Variants in ATP7A observed in about 807,000 individuals in gnomAD.
The protein encoded by ATP7A is copper-transporting ATPase 1.
In ATP7A, 7 loss-of-function variants were observed where a neutral mutation model predicts 83.5. The ratio of observed to expected loss-of-function variants is 0.08; its 90% CI spans 0.05 to 0.16. ATP7A has a LOEUF of 0.16. Ranked by LOEUF, ATP7A falls within the 10% of genes least tolerant of loss-of-function variation. ATP7A has a pLI of 1.00. For missense variants in ATP7A, 940 were observed against 1,120.8 expected, an observed-to-expected ratio of 0.84 and a Z score of 2.30; for synonymous variants, 354 against 395.2, an observed-to-expected ratio of 0.90 and a Z score of 1.24.
intron 4 of ATP7A, among the ~76,000 whole-genome samples, chrX:77,990,643 C>T (rs1206635135): frequency 8.0e-5 from 9 of 111,884 alleles, no homozygotes; most frequent in African/African-American, 1.3e-4. Flanking sequence ...CCAAAGTTTT[C>T]GTATTTCCTG....
At chrX:77,917,762 A>G (rs1557222690) in intron 1 of ATP7A, among the ~76,000 whole-genome samples, 1 of 111,962 alleles carries the variant, frequency 8.9e-6, no homozygotes. Flanking sequence ...AGAGCTACCA[A>G]TGGTTGGCTT....
chrX:78,033,973 A>C (rs1019015159), intron 17 of ATP7A, 152 bp downstream of exon 17: 17 of 547,979 alleles, frequency 3.1e-5, no homozygotes, highest in Non-Finnish European at 4.2e-5. Context: ...CATTTAAATT[A>C]GTCAAGAATA....
chrX:78,028,974 T>A (rs1377821861), intron 14 of ATP7A, among the ~76,000 whole-genome samples: 2 of 112,235 alleles, frequency 1.8e-5, no homozygotes, highest in African/African-American at 6.5e-5. Context: ...TTTGCAGCTA[T>A]TTCTGAAAAT....
intron 4 of ATP7A, among the ~76,000 whole-genome samples, chrX:77,991,170 T>C (rs1444324170): frequency 9.0e-6 from 1 of 111,548 alleles, no homozygotes; most frequent in African/African-American, 3.3e-5. Flanking sequence ...ATTTTAGAAC[T>C]TTTTATCACT....
intron 14 of ATP7A, among the ~76,000 whole-genome samples, chrX:78,028,452 G>C (rs187658170): frequency 1.6e-3 from 181 of 111,899 alleles, no homozygotes; most frequent in African/African-American, 5.7e-3. Context: ...GCCTCCCAAA[G>C]TGCTGGGATT....
intron 1 of ATP7A, among the ~76,000 whole-genome samples, chrX:77,916,684 T>C (rs1282418425): frequency 3.6e-5 from 4 of 111,824 alleles, no homozygotes; most frequent in African/African-American, 1.3e-4. Flanking sequence ...ATGTCTAACC[T>C]ACTCTGCAAA....
chrX:77,998,430 T>G (rs781846719), intron 4 of ATP7A, 48 bp from the exon 5 acceptor site: 2 of 1,146,266 alleles, frequency 1.7e-6, no homozygotes, highest in African/African-American at 1.8e-5. Flanking sequence ...AAGGATGCAA[T>G]TGAATGATCA....
chrX:77,948,117 A>ATTCATTCATTCG (rs2077393397), intron 1 of ATP7A, among the ~76,000 whole-genome samples: 2 of 106,562 alleles, frequency 1.9e-5, no homozygotes, highest in African/African-American at 6.9e-5. Context: ...TCATTCATTC[A>ATTCATTCATTCG]TTCATTCGTT....
intron 1 of ATP7A, among the ~76,000 whole-genome samples, chrX:77,928,876 A>G (rs1233745052): frequency 8.9e-6 from 1 of 111,876 alleles, no homozygotes; most frequent in Non-Finnish European, 1.9e-5. Flanking sequence ...TCTTTTCTTG[A>G]TGATGCAATG....
chrX:78,025,289 A>T (rs1323285136), intron 14 of ATP7A, among the ~76,000 whole-genome samples: 2 of 112,293 alleles, frequency 1.8e-5, no homozygotes, highest in Non-Finnish European at 3.8e-5. Flanking sequence ...AGGAAGCAAA[A>T]GTTCCCTTGG....
At chrX:77,965,537 C>A (rs782401932) in intron 1 of ATP7A, 28 of 235,336 alleles carry the variant, frequency 1.2e-4, no homozygotes, top group Middle Eastern at 5.7e-4. Flanking sequence ...ACAATTGGGG[C>A]CCTTATATAC....
Position 77,952,722 on chromosome X carries a change from T to C in ATP7A, c.-21-18899T>C, listed in dbSNP as rs782473815. Among the ~76,000 whole-genome samples, 3 of 111,707 alleles carry C rather than the reference T, an allele frequency of 2.7e-5. No individual in the cohort carries two copies. The East Asian group carries it at 8.3e-4, about 31-fold the overall frequency. On this transcript the variant is annotated intron_variant, in intron 1 of 22. Coordinates refer to ENST00000341514, the MANE Select transcript of ATP7A (RefSeq NM_000052.7). ...GTCCTTTTCAGCCTCACCAAACTTT[T>C]ATTGTTTTCTTGTAGTTTATTCTTA...
At chrX:78,032,384 C>T (rs1281825253) in intron 16 of ATP7A, among the ~76,000 whole-genome samples, 1 of 111,612 alleles carries the variant, frequency 9.0e-6, no homozygotes, top group Non-Finnish European at 1.9e-5. Flanking sequence ...TTGATGAATG[C>T]TACCAATACC....
intron 1 of ATP7A, among the ~76,000 whole-genome samples, chrX:77,932,869 C>T (rs923469160): frequency 9.0e-6 from 1 of 111,203 alleles, no homozygotes; most frequent in African/African-American, 3.3e-5. Context: ...AGTCCAGCTT[C>T]GGCTCGGCAT....
chrX:77,937,213 G>A (rs1323403566), intron 1 of ATP7A, among the ~76,000 whole-genome samples: 2 of 112,296 alleles, frequency 1.8e-5, no homozygotes, highest in Non-Finnish European at 3.8e-5. Flanking sequence ...TGAAATCTCT[G>A]TACTTTCTGC....
At chrX:77,956,768 T>TTTCC (rs1491584561) in intron 1 of ATP7A, among the ~76,000 whole-genome samples, 51 of 102,614 alleles carry the variant, frequency 5.0e-4, no homozygotes, top group Non-Finnish European at 8.7e-4. Flanking sequence ...TCTTTCTTTC[T>TTTCC]TTCTTTCTTT....
intron 14 of ATP7A, among the ~76,000 whole-genome samples, chrX:78,024,730 C>T (rs1557236152): frequency 9.0e-6 from 1 of 111,451 alleles, no homozygotes; most frequent in East Asian, 2.8e-4. Flanking sequence ...GGGGCATACT[C>T]ATGGGAACCA....
intron 4 of ATP7A, among the ~76,000 whole-genome samples, chrX:77,996,686 G>GT (rs782348985): frequency 6.3e-5 from 7 of 111,232 alleles, no homozygotes; most frequent in African/African-American, 2.3e-4. Flanking sequence ...TATTTCCAGA[G>GT]TGTGAAAATT....
At chrX:78,024,499 C>T (rs1227775232) in intron 14 of ATP7A, among the ~76,000 whole-genome samples, 3 of 111,811 alleles carry the variant, frequency 2.7e-5, no homozygotes, top group Non-Finnish European at 5.6e-5. Context: ...GGCCAGCTAG[C>T]GCACACTTGG....
Sources: allele counts gnomAD v4.1 joint callset (sites outside exome capture counted in the v4.1 genomes callset), GRCh38; gene constraint gnomAD v4.1.1; transcripts MANE v1.5; gene names NCBI Gene and HGNC (gene_info 2026-07-23, HGNC 2026-07-21).